Variants in TFRC observed in about 807,000 individuals in gnomAD.
TFRC encodes the protein transferrin receptor.
Under a neutral mutation model 85.8 loss-of-function variants are expected in TFRC, and 35 were observed. That is an observed-to-expected ratio of 0.41 (90% CI 0.31 to 0.54). The LOEUF (loss-of-function observed/expected upper bound fraction) is 0.54. TFRC is among the 20% of genes least tolerant of loss of function. The probability of loss-of-function intolerance (pLI) is 0.31; values close to 1 mark genes in which losing one functional copy is unlikely to be tolerated. For missense variants in TFRC, 828 were observed against 921.5 expected, an observed-to-expected ratio of 0.90 and a Z score of 1.31; for synonymous variants, 362 against 328.6, an observed-to-expected ratio of 1.10 and a Z score of -1.10.
intron 3 of TFRC, among the ~76,000 whole-genome samples, chr3:196,074,742 G>A (rs1449715843): frequency 3.3e-5 from 5 of 151,962 alleles, no homozygotes; most frequent in Non-Finnish European, 7.4e-5. Context: ...AGCCAGGTGT[G>A]GTGGTGCACG....
rs55642820 is a variant in TFRC at position 196,068,927 on chromosome 3, CA to C, written c.801+527del. Among the ~76,000 whole-genome samples, 496 of 85,260 alleles carry C rather than the reference CA, an allele frequency of 5.8e-3. 4 individuals are homozygous for C. Among genetic ancestry groups the C allele is most frequent in the African/African-American group, 0.018 (361 of 20,416 alleles). 55.9% of individuals were successfully genotyped at this position (85,260 alleles called of 152,430 possible). ...GCCAGGGTGACAAGAGACTCCGTCT[CA>C]AAAAAAAAAAAAAAAAAGAAAAGAA... On this transcript the variant is annotated intron_variant, in intron 7 of 18. Transcript: ENST00000360110.
At chr3:196,055,387 G>A in intron 16 of TFRC, 86 bp from the exon 17 acceptor site, 1 of 1,111,054 alleles carries the variant, frequency 9.0e-7, no homozygotes, top group Non-Finnish European at 1.4e-6. Context: ...AGGTAACAGT[G>A]ACGACAGTTC....
rs762924023 is a variant in TFRC at position 196,075,194 on chromosome 3, T to C, written c.203A>G (p.Tyr68Cys). 3 of 1,614,012 alleles carry C rather than the reference T, an allele frequency of 1.9e-6. No individual in the cohort carries two copies. Among genetic ancestry groups the C allele is most frequent in the African/African-American group, 1.3e-5 (1 of 74,914 alleles). ...AAAGACGATCACAGCAATAGTCCCA[T>C]AGCAGATACTTCCACTACACCTTTT... ...KPKRCSGSIC[Y>C]GTIAVIVFFL... The change falls in exon 3 of 19, where the codon TAT becomes TGT. Residue 68 changes from tyrosine (Y) to cysteine (C), a missense_variant. Transcript: ENST00000360110.
rs746736298 is a variant in TFRC at position 196,051,866 on chromosome 3, G to A, written c.*76C>T. The A allele has an allele frequency of 8.5e-6, 13 of 1,536,444 alleles. No homozygotes were observed. The highest frequency in any genetic ancestry group is 2.0e-5 in the Admixed American group (1 of 49,218). On this transcript the variant is annotated 3_prime_UTR_variant, in exon 19 of 19. Coordinates refer to ENST00000360110, the MANE Select transcript of TFRC (RefSeq NM_001128148.3). Reference sequence around the variant, plus strand: ...TAACATCAGGTTTTGTAGCCCTACTGAAAATTTAGCACGATCAGCACAAGT... The same window carrying A: ...TAACATCAGGTTTTGTAGCCCTACTAAAAATTTAGCACGATCAGCACAAGT...
intron 4 of TFRC, among the ~76,000 whole-genome samples, chr3:196,073,378 T>C (rs1182788620): frequency 1.3e-5 from 2 of 151,452 alleles, no homozygotes; most frequent in African/African-American, 4.9e-5. Flanking sequence ...GGGATGAAGC[T>C]GCGGTGAGAT....
rs775554571 is a variant in TFRC, at chr3:196,072,123, C to T, written c.464G>A (p.Arg155His). 10 of 1,613,768 alleles carry T rather than the reference C, an allele frequency of 6.2e-6. No homozygotes were observed. The Admixed American group carries it at 6.7e-5, about 11-fold the overall frequency. ...KLLNENSYVP[R>H]EAGSQKDENL... ...TTCATCTTTTTGAGATCCAGCCTCACGAGGGACATATGAATTTTCATTCAG... is the reference window on the plus strand; with the variant it reads ...TTCATCTTTTTGAGATCCAGCCTCATGAGGGACATATGAATTTTCATTCAG... The change falls in exon 5 of 19, where the codon CGT becomes CAT. Residue 155 changes from arginine (R) to histidine (H), a missense_variant. By Grantham distance (29) the Arg-to-His change is conservative (BLOSUM62 0). Transcript: ENST00000360110.
At chr3:196,052,440 C>T (rs1345751474) in intron 18 of TFRC, among the ~76,000 whole-genome samples, 1 of 151,710 alleles carries the variant, frequency 6.6e-6, no homozygotes, top group South Asian at 2.1e-4. Context: ...CCACCGTGCC[C>T]GGCTTTTTGT....
chr3:196,070,863 G>A (rs910311808), intron 6 of TFRC, among the ~76,000 whole-genome samples: 2 of 151,858 alleles, frequency 1.3e-5, no homozygotes, highest in East Asian at 3.9e-4. Context: ...GCTCACTTGA[G>A]CCTGGGTGGT....
rs1717360848 is a variant in TFRC, at chr3:196,062,474, A to G, written c.1468+108T>C. ...CTTGAATCTGGGAGACAGAGGTTGC[A>G]GTGAGCCGAGATCGTGCCATTGCAC... On this transcript the variant is annotated intron_variant, in intron 13 of 18. Coordinates refer to ENST00000360110, the MANE Select transcript of TFRC (RefSeq NM_001128148.3). 4 of 929,536 alleles carry G rather than the reference A, an allele frequency of 4.3e-6. No individual in the cohort carries two copies. The East Asian group carries it at 7.3e-5, about 17-fold the overall frequency. The allele number at this position is 929,536 out of a possible 1,614,324, so 57.6% of individuals were successfully genotyped here. A position where few individuals can be genotyped will look rare whatever the true frequency, so the allele number is the denominator to read the frequency against.
Position 196,050,978 on chromosome 3 carries a change from T to C in TFRC, c.*964A>G, listed in dbSNP as rs1184659578. 9.9e-6 allele frequency: 2 copies of C among 202,528 alleles called. No individual in the cohort carries two copies. Among genetic ancestry groups the C allele is most frequent in the Non-Finnish European group, 1.0e-5 (1 of 98,442 alleles). The allele number at this position is 202,528 out of a possible 1,614,324, so 12.5% of individuals were successfully genotyped here. On this transcript the variant is annotated 3_prime_UTR_variant, in exon 19 of 19. Transcript: ENST00000360110. ...AAAAAAACCGACAGTATAACTGTCA[T>C]AATTATGGAAGGCACTGCTTCCGAT...
rs770408812 is a variant in TFRC, at chr3:196,065,426, G to A, written c.1198+17C>T. On this transcript the variant is annotated intron_variant, in intron 10 of 18. Transcript: ENST00000360110. ...CAAAAAAAAAGCGGGGCGGGGGGGG[G>A]GGGGGGCGGTCTTTACCTGGTTCTA... 5.3e-5 allele frequency: 37 copies of A among 692,128 alleles called. 3 individuals are homozygous for A. Among genetic ancestry groups the A allele is most frequent in the Non-Finnish European group, 6.7e-5 (34 of 509,648 alleles). 42.9% of individuals were successfully genotyped at this position (692,128 alleles called of 1,614,324 possible).
chr3:196,053,318 G>A (rs1716497734), intron 18 of TFRC, 100 bp downstream of exon 18: 9 of 1,340,232 alleles, frequency 6.7e-6, no homozygotes, highest in African/African-American at 1.5e-5. Flanking sequence ...CTTCTTAAAG[G>A]AATTCTAGAC....
chr3:196,062,344 C>A, intron 13 of TFRC: 1 of 463,958 alleles, frequency 2.2e-6, no homozygotes, highest in South Asian at 2.6e-5. Flanking sequence ...CCATCCTGGC[C>A]AACATAGTGA....
chr3:196,059,860 T>C (rs1717127588), intron 14 of TFRC, among the ~76,000 whole-genome samples: 1 of 150,546 alleles, frequency 6.6e-6, no homozygotes, highest in Admixed American at 6.7e-5. Context: ...CCTCCGGCCT[T>C]CTCAAAGTAT....
At chr3:196,070,979 A>C (rs1718154125) in intron 6 of TFRC, among the ~76,000 whole-genome samples, 1 of 152,060 alleles carries the variant, frequency 6.6e-6, no homozygotes, top group African/African-American at 2.4e-5. Flanking sequence ...GCATTAACGA[A>C]TCAAGCTAAG....
In TFRC at chr3:196,062,968, G is replaced by A. The variant is rs760650788; in HGVS notation, c.1319-29C>T. 34 of 1,589,002 alleles carry A rather than the reference G, an allele frequency of 2.1e-5. No individual in the cohort carries two copies. In the South Asian group the frequency reaches 3.1e-4, roughly 14 times the overall value. On this transcript the variant is annotated intron_variant, in intron 11 of 18. Coordinates refer to ENST00000360110, the MANE Select transcript of TFRC (RefSeq NM_001128148.3). Reference sequence around the variant, plus strand: ...AAAGAGAAAAAAGTTAGCTTTACCTGAGGAAAGGTTATACACAGACAAGGA... The same window carrying A: ...AAAGAGAAAAAAGTTAGCTTTACCTAAGGAAAGGTTATACACAGACAAGGA...
intron 2 of TFRC, among the ~76,000 whole-genome samples, chr3:196,075,996 G>C (rs1034216121): frequency 4.0e-5 from 6 of 151,596 alleles, no homozygotes; most frequent in Middle Eastern, 3.4e-3. Context: ...CCACTAGCTG[G>C]GCATGGTGTC....
At chr3:196,073,119 C>A (rs539535150) in intron 4 of TFRC, among the ~76,000 whole-genome samples, 3 of 150,180 alleles carry the variant, frequency 2.0e-5, no homozygotes, top group African/African-American at 7.3e-5. Flanking sequence ...ACTCAGGAGA[C>A]TGAGGTAGGA....
At position 196,071,417 on chromosome 3, in the gene TFRC, A is replaced by G; in HGVS notation, c.666T>C (p.Tyr222=). 3 of 1,614,048 alleles carry G rather than the reference A, an allele frequency of 1.9e-6. No homozygotes were observed. The highest frequency in any genetic ancestry group is 2.5e-6 in the Non-Finnish European group (3 of 1,179,926). The change falls in exon 6 of 19, where the codon TAT becomes TAC. Residue 222 remains tyrosine (Y), a synonymous_variant. Transcript: ENST00000360110. The part of the protein sequence containing the change: ...LVENPGGYVA[Y]SKAATVTGKL... ...TTACAGTAACTGTTGCAGCCTTACT[A>G]TACGCCACATAACCCCCAGGATTCT...
Sources: allele counts gnomAD v4.1 joint callset (sites outside exome capture counted in the v4.1 genomes callset), GRCh38; gene constraint gnomAD v4.1.1; transcripts MANE v1.5; gene names NCBI Gene and HGNC (gene_info 2026-07-23, HGNC 2026-07-21).